Variants in ZNF326 observed in about 807,000 individuals in gnomAD.
ZNF326 encodes zinc finger protein 326.
ZNF326 carries 30 observed loss-of-function variants against 63.1 expected under a neutral mutation model. The ratio of observed to expected loss-of-function variants is 0.48; its 90% confidence interval spans 0.36 to 0.64. ZNF326 has a LOEUF of 0.64. Among genes scored for constraint, ZNF326 ranks in the 30% least tolerant of loss-of-function variants. The pLI, the probability that ZNF326 is intolerant of heterozygous loss-of-function variation, is 0.00. For synonymous variants in ZNF326, 194 were observed against 228.2 expected, an observed-to-expected ratio of 0.85 and a Z score of 1.35; for missense variants, 609 against 720.3, an observed-to-expected ratio of 0.85 and a Z score of 1.77.
intron 11 of ZNF326, among the ~76,000 whole-genome samples, chr1:90,025,854 C>CT (rs1649991504): frequency 6.6e-6 from 1 of 151,950 alleles, no homozygotes; most frequent in African/African-American, 2.4e-5. Flanking sequence ...TTGCTTTCTG[C>CT]TTTTTTATAT....
chr1:90,028,708 A>G lies in ZNF326; in HGVS notation c.*1007A>G, dbSNP rs575563279. 6.6e-6 allele frequency: 1 copy of G among 152,280 alleles called. No homozygotes were observed. Among genetic ancestry groups the G allele is most frequent in the East Asian group, 1.9e-4 (1 of 5,188 alleles). 9.4% of individuals were successfully genotyped at this position (152,280 alleles called of 1,614,324 possible). On this transcript the variant is annotated 3_prime_UTR_variant, in exon 12 of 12. Transcript: ENST00000340281. ...TAAAAAGAGAACATGAGCTTGATAG[A>G]GGATCTATTCTTAAATAATTTATTT... is the stretch of plus-strand genomic sequence containing the variant.
rs1021536555 is a variant in ZNF326 at position 90,007,885 on chromosome 1, A to G, written c.615+135A>G. The G allele has an allele frequency of 7.9e-6, 7 of 888,868 alleles. No homozygotes were observed. The highest frequency in any genetic ancestry group is 3.5e-5 in the African/African-American group (2 of 57,592). 55.1% of individuals were successfully genotyped at this position (888,868 alleles called of 1,614,324 possible). On this transcript the variant is annotated intron_variant, in intron 5 of 11. Coordinates refer to ENST00000340281, the MANE Select transcript of ZNF326 (RefSeq NM_182976.4). The surrounding 1 kb of genome is among the most constrained non-coding windows in gnomAD (Gnocchi z 4.9). ...AAGCAAAAGCTGAGTCATAAACATA[A>G]TTTTTAGGTTGACTGTAAAAGTTTT... is the stretch of plus-strand genomic sequence containing the variant.
chr1:90,017,279 A>T, intron 7 of ZNF326, 38 bp from the exon 8 acceptor site: 1 of 1,424,892 alleles, frequency 7.0e-7, no homozygotes, highest in Non-Finnish European at 9.5e-7. Flanking sequence ...TAGTTGAATA[A>T]AGTAATATTT....
intron 4 of ZNF326, chr1:90,006,422 T>C (rs1648991620): frequency 2.0e-6 from 2 of 985,410 alleles, no homozygotes; most frequent in African/African-American, 3.5e-5. Context: ...TGGGCCTTTA[T>C]AAAATTGTGT....
In ZNF326 at chr1:90,019,471, T is replaced by C. The variant is rs181041510; in HGVS notation, c.1174+687T>C. Among the ~76,000 whole-genome samples the C allele has an allele frequency of 3.7e-3, 563 of 152,292 alleles. 5 individuals are homozygous for C. Among genetic ancestry groups the C allele is most frequent in the African/African-American group, 0.013 (531 of 41,576 alleles). On this transcript the variant is annotated intron_variant, in intron 9 of 11. Coordinates refer to ENST00000340281, the MANE Select transcript of ZNF326 (RefSeq NM_182976.4). ...CATTATCTTCCGTAACATTTTTTAC[T>C]AACTATATGATTCATGAATCATTTT...
In ZNF326 at chr1:90,032,776, C is replaced by T. The variant is rs981011375; in HGVS notation, c.*5075C>T. On this transcript the variant is annotated 3_prime_UTR_variant, in exon 12 of 12. Transcript: ENST00000340281. Reference sequence around the variant, plus strand: ...TCTCTGACTCAGAGCTGCTGGTCCACAGAATTCCTCTAAGCTAAAGCTGTA... The same window carrying T: ...TCTCTGACTCAGAGCTGCTGGTCCATAGAATTCCTCTAAGCTAAAGCTGTA... The T allele has an allele frequency of 6.6e-6, 1 of 152,240 alleles. No homozygotes were observed. Among genetic ancestry groups the T allele is most frequent in the African/African-American group, 2.4e-5 (1 of 41,440 alleles). The allele number at this position is 152,240 out of a possible 1,614,324, so 9.4% of individuals were successfully genotyped here.
intron 7 of ZNF326, among the ~76,000 whole-genome samples, chr1:90,014,900 T>A (rs1312869647): frequency 6.6e-6 from 1 of 152,152 alleles, no homozygotes; most frequent in East Asian, 1.9e-4. Flanking sequence ...AAGATGCAAT[T>A]TTTTAAATTT....
chr1:90,024,655 C>T (rs1208748167), intron 11 of ZNF326, among the ~76,000 whole-genome samples: 2 of 151,824 alleles, frequency 1.3e-5, no homozygotes, highest in Admixed American at 6.6e-5. Context: ...TTTTGTGTTG[C>T]CCAGGCCAGA....
intron 11 of ZNF326, 55 bp from the exon 12 acceptor site, chr1:90,027,299 C>T (rs1650054987): frequency 2.0e-6 from 3 of 1,534,970 alleles, no homozygotes; most frequent in Non-Finnish European, 2.7e-6. Flanking sequence ...TTTCACTTGC[C>T]AGATCATGTA....
intron 6 of ZNF326, among the ~76,000 whole-genome samples, 154 bp from the exon 7 acceptor site, chr1:90,012,972 C>T (rs1649325066): frequency 1.3e-5 from 2 of 152,110 alleles, no homozygotes; most frequent in Non-Finnish European, 1.5e-5. Flanking sequence ...TTCAGAAATA[C>T]TGGATAGTCT....
chr1:90,005,985 T>G, intron 4 of ZNF326: 2 of 985,444 alleles, frequency 2.0e-6, no homozygotes, highest in Non-Finnish European at 2.4e-6. Flanking sequence ...AGAAGGGGTG[T>G]CTACTTTTTG....
At position 90,030,462 on chromosome 1, in the gene ZNF326, T is replaced by G. The variant is rs1159202023; in HGVS notation, c.*2761T>G. The G allele has an allele frequency of 6.6e-6, 1 of 152,178 alleles. No homozygotes were observed. Among genetic ancestry groups the G allele is most frequent in the Non-Finnish European group, 1.5e-5 (1 of 68,048 alleles). 9.4% of individuals were successfully genotyped at this position (152,178 alleles called of 1,614,324 possible). ...CCATAATGGCCTTTTGTTACTTTTT[T>G]GATGAGTTCTTTCCTACAAAGACCT... is the stretch of plus-strand genomic sequence containing the variant. On this transcript the variant is annotated 3_prime_UTR_variant, in exon 12 of 12. Coordinates refer to ENST00000340281, the MANE Select transcript of ZNF326 (RefSeq NM_182976.4).
In ZNF326 at chr1:90,013,164, C is replaced by A. The variant is rs781327217; in HGVS notation, c.853C>A (p.Arg285=). 1 of 1,611,846 alleles carries A rather than the reference C, an allele frequency of 6.2e-7. No homozygotes were observed. The highest frequency in any genetic ancestry group is 8.5e-7 in the Non-Finnish European group (1 of 1,179,008). The change falls in exon 7 of 12, where the codon CGA becomes AGA. Residue 285 remains arginine (R), a synonymous_variant. Transcript: ENST00000340281. ...TAAAAATGAAGAGGAAGAAAAGCGG[C>A]GAATTGAGGCTCGGCGAGAGAAACA... ...DPKNEEEEKR[R]IEARREKQRR...
rs1489127126 is a variant in ZNF326, at chr1:90,032,932, G to A, written c.*5231G>A. On this transcript the variant is annotated 3_prime_UTR_variant, in exon 12 of 12. Transcript: ENST00000340281. ...AGGTATATTGTGATTACCACAAGGA[G>A]CTTTATTCCTCATACTTAGAAAACA... 4 of 152,218 alleles carry A rather than the reference G, an allele frequency of 2.6e-5. No homozygotes were observed. The highest frequency in any genetic ancestry group is 9.6e-5 in the African/African-American group (4 of 41,452). The allele number at this position is 152,218 out of a possible 1,614,324, so 9.4% of individuals were successfully genotyped here. A position where few individuals can be genotyped will look rare whatever the true frequency, so the allele number is the denominator to read the frequency against.
chr1:90,004,535 C>T (rs1648861174), intron 2 of ZNF326, among the ~76,000 whole-genome samples: 2 of 152,022 alleles, frequency 1.3e-5, no homozygotes, highest in African/African-American at 4.8e-5. Flanking sequence ...TCCCCTAGTC[C>T]AACAAATATT....
At chr1:90,004,301 T>C (rs1200356350) in intron 2 of ZNF326, among the ~76,000 whole-genome samples, 1 of 152,202 alleles carries the variant, frequency 6.6e-6, no homozygotes, top group Non-Finnish European at 1.5e-5. Flanking sequence ...TTTAAAAATA[T>C]CTGTTTCAAT....
rs1166508111 is a variant in ZNF326, at chr1:90,031,557, C to A, written c.*3856C>A. Reference sequence around the variant, plus strand: ...ATTTAGTGGCATTAATTACAAGCAACCTTTTTTTTTTTTTTTTGAGACATA... The same window carrying A: ...ATTTAGTGGCATTAATTACAAGCAAACTTTTTTTTTTTTTTTTGAGACATA... On this transcript the variant is annotated 3_prime_UTR_variant, in exon 12 of 12. Transcript: ENST00000340281. 2 of 150,312 alleles carry A rather than the reference C, an allele frequency of 1.3e-5. No homozygotes were observed. The highest frequency in any genetic ancestry group is 3.0e-5 in the Non-Finnish European group (2 of 67,666). 9.3% of individuals were successfully genotyped at this position (150,312 alleles called of 1,614,324 possible). A position where few individuals can be genotyped will look rare whatever the true frequency, so the allele number is the denominator to read the frequency against.
chr1:89,997,201 A>C (rs545213948), intron 1 of ZNF326, among the ~76,000 whole-genome samples: 90 of 152,344 alleles, frequency 5.9e-4, no homozygotes, highest in Middle Eastern at 3.4e-3. Context: ...TGACCACTAT[A>C]TTAAATTCTG....
chr1:90,006,178 C>G (rs1414859776), intron 4 of ZNF326: 1 of 985,232 alleles, frequency 1.0e-6, no homozygotes, highest in Non-Finnish European at 1.2e-6. Flanking sequence ...AGAAAGTGAA[C>G]AGTTGCAACT....
Sources: gnomAD v4.1 joint callset for allele counts (sites outside exome capture counted in the v4.1 genomes callset) on GRCh38, gnomAD v4.1.1 for gene constraint, Gnocchi (gnomAD v3.1) non-coding constraint, MANE v1.5 for transcripts, NCBI Gene and HGNC (gene_info 2026-07-23, HGNC 2026-07-21) for gene names.